Variants in RRM1 observed in about 807,000 individuals in gnomAD.
RRM1 encodes the protein ribonucleotide reductase catalytic subunit M1, also known as ribonucleoside-diphosphate reductase large subunit.
Under a neutral mutation model 101.5 loss-of-function variants are expected in RRM1, and 19 were observed. That is an observed-to-expected ratio of 0.19 (90% CI 0.13 to 0.27). The LOEUF is 0.27. Ranked by LOEUF, RRM1 falls within the 10% of genes least tolerant of loss-of-function variation. RRM1 has a pLI of 1.00. For missense variants in RRM1, 500 were observed against 962.9 expected (o/e 0.52, Z 6.36); for synonymous variants, 298 against 323.4 (o/e 0.92, Z 0.84).
chr11:4,126,992 C>T, intron 13 of RRM1, 43 bp from the exon 14 acceptor site: 2 of 1,541,158 alleles, frequency 1.3e-6, no homozygotes, highest in South Asian at 1.2e-5. Flanking sequence ...TTTTCCTGTT[C>T]AGTAATGTTT....
Position 4,107,571 on chromosome 11 carries a change from G to A in RRM1, c.387+36G>A, listed in dbSNP as rs368204463. 11 of 1,382,016 alleles carry A rather than the reference G, an allele frequency of 8.0e-6. No homozygotes were observed. The African/African-American group carries it at 1.1e-4, about 14-fold the overall frequency. 85.6% of individuals were successfully genotyped at this position (1,382,016 alleles called of 1,614,324 possible). A position where few individuals can be genotyped will look rare whatever the true frequency, so the allele number is the denominator to read the frequency against. ...CACTTATCTGGTGGAAATTTTTTGA[G>A]AGTCTTTTTTAATAATGCACACATT... On this transcript the variant is annotated intron_variant, in intron 4 of 18. Transcript: ENST00000300738.
chr11:4,123,300 T>G lies in RRM1; in HGVS notation c.1236T>G (p.Asn412Lys). The G allele has an allele frequency of 6.2e-7, 1 of 1,614,046 alleles. No homozygotes were observed. Among genetic ancestry groups the G allele is most frequent in the Non-Finnish European group, 8.5e-7 (1 of 1,180,002 alleles). ...TPYMLYKDSCNRKSNQQNLGT... is the reference protein window; with the variant it reads ...TPYMLYKDSCKRKSNQQNLGT... ...ATATGCTCTACAAAGATTCCTGTAA[T>G]CGAAAGAGCAACCAGCAGAACCTGG... Residue 412 changes from asparagine (N) to lysine (K), a missense_variant, in exon 12 of 19, where the codon AAT becomes AAG. By Grantham distance (94) the Asn-to-Lys change is moderately conservative. Transcript: ENST00000300738.
chr11:4,123,220 G>T lies in RRM1; in HGVS notation c.1156G>T (p.Ala386Ser), dbSNP rs765225723. The T allele has an allele frequency of 5.6e-6, 9 of 1,614,086 alleles. No individual in the cohort carries two copies. The highest frequency in any genetic ancestry group is 7.6e-6 in the Non-Finnish European group (9 of 1,180,036). Residue 386 changes from alanine to serine, a missense_variant, in exon 12 of 19, where the codon GCT becomes TCT. Ala to Ser is a moderately conservative substitution (Grantham distance 99). Transcript: ENST00000300738. Reference protein sequence around the residue: ...KQGRVRKVVKAQQLWYAIIES... With the variant: ...KQGRVRKVVKSQQLWYAIIES... ...AGGTCGTGTCCGCAAAGTTGTAAAAGCTCAGCAGCTTTGGTATGCCATCAT... is the reference window on the plus strand; with the variant it reads ...AGGTCGTGTCCGCAAAGTTGTAAAATCTCAGCAGCTTTGGTATGCCATCAT...
At chr11:4,133,816 A>G (rs2094604473) in intron 17 of RRM1, among the ~76,000 whole-genome samples, 158 bp downstream of exon 17, 1 of 152,116 alleles carries the variant, frequency 6.6e-6, no homozygotes, top group Non-Finnish European at 1.5e-5. Flanking sequence ...CTAGGATTGT[A>G]CACATCTTTA....
chr11:4,122,296 A>G, intron 11 of RRM1, 76 bp downstream of exon 11: 1 of 1,099,084 alleles, frequency 9.1e-7, no homozygotes, highest in South Asian at 1.4e-5. Context: ...AAATATCAAA[A>G]GTACTTGTCA....
At chr11:4,125,843 T>A (rs2094588621) in intron 12 of RRM1, among the ~76,000 whole-genome samples, 1 of 152,136 alleles carries the variant, frequency 6.6e-6, no homozygotes, top group African/African-American at 2.4e-5. Flanking sequence ...AAGCTATATT[T>A]AAAAAAATGG....
At chr11:4,121,327 A>AGAG (rs1242190470) in intron 9 of RRM1, among the ~76,000 whole-genome samples, 1 of 152,218 alleles carries the variant, frequency 6.6e-6, no homozygotes, top group African/African-American at 2.4e-5. Flanking sequence ...CTGTTGCTGA[A>AGAG]GAGGAGGCTC....
chr11:4,109,776 G>T, intron 5 of RRM1, 73 bp downstream of exon 5: 1 of 1,308,960 alleles, frequency 7.6e-7, no homozygotes. Flanking sequence ...TTATGTTTTG[G>T]TGACAGTTAT....
chr11:4,114,096 C>G (rs1261315250), intron 7 of RRM1, among the ~76,000 whole-genome samples: 3 of 151,832 alleles, frequency 2.0e-5, no homozygotes, highest in Non-Finnish European at 4.4e-5. Context: ...GATCGCGCCA[C>G]TGCACTCCAG....
chr11:4,106,312 A>T, intron 3 of RRM1, 89 bp downstream of exon 3: 1 of 1,174,754 alleles, frequency 8.5e-7, no homozygotes, highest in Non-Finnish European at 1.2e-6. Context: ...TAAAGAAGCA[A>T]ATATGGCTAG....
intron 7 of RRM1, among the ~76,000 whole-genome samples, chr11:4,116,886 G>A (rs1296787103): frequency 1.3e-5 from 2 of 151,632 alleles, no homozygotes; most frequent in Admixed American, 6.6e-5. Flanking sequence ...AGGATCGCTC[G>A]AGCCCAGGAG....
At chr11:4,121,833 T>G in intron 10 of RRM1, 68 bp downstream of exon 10, 2 of 1,449,530 alleles carry the variant, frequency 1.4e-6, no homozygotes, top group African/African-American at 2.8e-5. Context: ...TTAGTCATCT[T>G]AAGTCATGCT....
At position 4,103,946 on chromosome 11, in the gene RRM1, C is replaced by CA. The variant is rs34264302; in HGVS notation, c.108+1887dup. 2.3e-3 allele frequency among the ~76,000 whole-genome samples: 223 copies of CA among 95,056 alleles called. 1 individual carries two copies. Among genetic ancestry groups the CA allele is most frequent in the East Asian group, 0.011 (38 of 3,604 alleles). The allele number at this position is 95,056 out of a possible 152,430, so 62.4% of individuals were successfully genotyped here. A position where few individuals can be genotyped will look rare whatever the true frequency, so the allele number is the denominator to read the frequency against. On this transcript the variant is annotated intron_variant, in intron 2 of 18. Transcript: ENST00000300738. ...GTGCCTGCCCTCAACCCTGTTTCTA[C>CA]AAAAAAAAAAAAAAAAAAAAAATTG... is the stretch of plus-strand genomic sequence containing the variant.
intron 15 of RRM1, among the ~76,000 whole-genome samples, chr11:4,130,846 T>A (rs1359039114): frequency 6.6e-6 from 1 of 152,178 alleles, no homozygotes; most frequent in Non-Finnish European, 1.5e-5. Flanking sequence ...TTTCACAACA[T>A]TTACCTGTCT....
chr11:4,097,589 C>T (rs2094545443), intron 1 of RRM1, among the ~76,000 whole-genome samples: 1 of 151,888 alleles, frequency 6.6e-6, no homozygotes, highest in Non-Finnish European at 1.5e-5. Flanking sequence ...CTAACTCCTA[C>T]AGTTTTTGTT....
chr11:4,131,234 C>A (rs1436258060), intron 15 of RRM1, among the ~76,000 whole-genome samples: 2 of 152,202 alleles, frequency 1.3e-5, no homozygotes, highest in Admixed American at 1.3e-4. Flanking sequence ...AAAACCAGAT[C>A]TTGTGAGAAC....
chr11:4,107,855 T>A lies in RRM1; in HGVS notation c.387+320T>A, dbSNP rs370396689. On this transcript the variant is annotated intron_variant, in intron 4 of 18. Coordinates refer to ENST00000300738, the MANE Select transcript of RRM1 (RefSeq NM_001033.5). ...TATCTTGTTTGTTCTATATCAGCCT[T>A]TATGAATTTACCCTTTTTTATAACA... 1.6e-4 allele frequency among the ~76,000 whole-genome samples: 24 copies of A among 152,356 alleles called. No individual in the cohort carries two copies. The South Asian group carries it at 3.3e-3, about 21-fold the overall frequency.
At chr11:4,122,679 C>T (rs1176145432) in intron 11 of RRM1, among the ~76,000 whole-genome samples, 1 of 152,036 alleles carries the variant, frequency 6.6e-6, no homozygotes, top group Non-Finnish European at 1.5e-5. Context: ...TCAAGACCAG[C>T]CTGGCCAACA....
intron 1 of RRM1, chr11:4,099,472 AGT>A (rs2094547876): frequency 6.6e-6 from 1 of 151,902 alleles, no homozygotes; most frequent in Non-Finnish European, 1.5e-5. Context: ...GGAAAAGGTC[AGT>A]GTGAGTTAAA....
Sources: gnomAD v4.1 joint callset for allele counts (sites outside exome capture counted in the v4.1 genomes callset) on GRCh38, gnomAD v4.1.1 for gene constraint, MANE v1.5 for transcripts, NCBI Gene and HGNC (gene_info 2026-07-23, HGNC 2026-07-21) for gene names.